FHAD1: variants seen among roughly 807,000 people sequenced by gnomAD.
FHAD1 encodes the protein forkhead-associated domain-containing protein 1.
Under a neutral mutation model 191.3 loss-of-function variants are expected in FHAD1, and 146 were observed. The observed-to-expected ratio is 0.76, with a 90% CI of 0.67 to 0.88. The LOEUF (loss-of-function observed/expected upper bound fraction) is 0.88, where lower values mean the gene tolerates loss of function less well. FHAD1 is among the 40% of genes least tolerant of loss of function. The pLI, the probability that FHAD1 is intolerant of heterozygous loss-of-function variation, is 0.00. For missense variants in FHAD1, 1,635 were observed against 1,785.8 expected (o/e 0.92, Z 1.52); for synonymous variants, 616 against 672.3 (o/e 0.92, Z 1.29).
chr1:15,331,698 G>A (rs901677467), intron 14 of FHAD1, among the ~76,000 whole-genome samples: 4 of 150,802 alleles, frequency 2.7e-5, no homozygotes, highest in Non-Finnish European at 5.9e-5. Context: ...AAGGCAGGAG[G>A]GAAGGCAGGA....
chr1:15,320,309 A>G (rs1298054585), intron 10 of FHAD1, among the ~76,000 whole-genome samples: 1 of 152,210 alleles, frequency 6.6e-6, no homozygotes, highest in African/African-American at 2.4e-5. Context: ...ACTTGAGAAG[A>G]ATACGCATCC....
rs202068732 is a variant in FHAD1 at position 15,321,779 on chromosome 1, TTGTGCATGTTTGCATGCACATG to T, written c.1366-2664_1366-2643del. Among the ~76,000 whole-genome samples, 15 of 152,350 alleles carry T rather than the reference TTGTGCATGTTTGCATGCACATG, an allele frequency of 9.8e-5. No individual in the cohort carries two copies. The East Asian group carries it at 2.3e-3, about 23-fold the overall frequency. On this transcript the variant is annotated intron_variant, in intron 10 of 33. Coordinates refer to ENST00000688493, the MANE Select transcript of FHAD1 (RefSeq NM_001391957.1). Reference sequence around the variant, plus strand: ...CAAGCACGTGTGTGCATATGTGTGATTGTGCATGTTTGCATGCACATGTGTGCATGCATGTGTGTGCATGTGT... The same window carrying T: ...CAAGCACGTGTGTGCATATGTGTGATTGTGCATGCATGTGTGTGCATGTGT...
intron 20 of FHAD1, among the ~76,000 whole-genome samples, chr1:15,355,952 CAG>C (rs1329960674): frequency 1.7e-5 from 2 of 116,624 alleles, no homozygotes; most frequent in Non-Finnish European, 3.5e-5. Context: ...AAAAAAAAAA[CAG>C]AAAATCACTC....
intron 14 of FHAD1, among the ~76,000 whole-genome samples, chr1:15,331,112 G>A (rs1007359388): frequency 5.9e-5 from 9 of 152,158 alleles, no homozygotes; most frequent in African/African-American, 2.2e-4. Flanking sequence ...TGTAAAAGAC[G>A]GATGTGATTT....
At chr1:15,251,651 C>T (rs771739175) in intron 1 of FHAD1, 120 bp from the exon 2 acceptor site, 21 of 752,204 alleles carry the variant, frequency 2.8e-5, no homozygotes, top group Non-Finnish European at 3.7e-5. Context: ...AATCCCCCCT[C>T]TTCTGATTTC....
intron 2 of FHAD1, among the ~76,000 whole-genome samples, chr1:15,253,661 C>T (rs1163130212): frequency 6.6e-6 from 1 of 152,158 alleles, no homozygotes; most frequent in Non-Finnish European, 1.5e-5. Flanking sequence ...TTTTAGTATG[C>T]TTATATGGTA....
chr1:15,317,405 ACT>A (rs1558093170), intron 9 of FHAD1, among the ~76,000 whole-genome samples: 1 of 151,820 alleles, frequency 6.6e-6, no homozygotes, highest in African/African-American at 2.4e-5. Context: ...GGAACATTTT[ACT>A]CTCTGCCTCA....
Position 15,333,207 on chromosome 1 carries a change from A to AAGCGCCC in FHAD1, c.1906+3668_1906+3674dup, listed in dbSNP as rs59518473. ...CTTCTAATACAAGCAATATTACGTC[A>AAGCGCCC]AGCGCCCAAAAGACTAAAAGAAAAG... is the stretch of plus-strand genomic sequence containing the variant. On this transcript the variant is annotated intron_variant, in intron 14 of 33. Coordinates refer to ENST00000688493, the MANE Select transcript of FHAD1 (RefSeq NM_001391957.1). 2.1e-3 allele frequency among the ~76,000 whole-genome samples: 313 copies of AAGCGCCC among 152,324 alleles called. 2 individuals are homozygous for AAGCGCCC. Among genetic ancestry groups the AAGCGCCC allele is most frequent in the African/African-American group, 7.0e-3 (292 of 41,560 alleles).
intron 3 of FHAD1, among the ~76,000 whole-genome samples, chr1:15,275,796 T>A (rs978920304): frequency 6.6e-6 from 1 of 152,206 alleles, no homozygotes; most frequent in South Asian, 2.1e-4. Context: ...CTCTTATTGA[T>A]TCTTTGAGTC....
upstream of FHAD1, among the ~76,000 whole-genome samples, chr1:15,242,890 C>T (rs776214848): frequency 2.0e-5 from 3 of 152,302 alleles, no homozygotes; most frequent in African/African-American, 7.2e-5. Flanking sequence ...TTGTTTCATA[C>T]GTCTTAACCC....
At chr1:15,364,579 CA>C (rs1695824980) in intron 23 of FHAD1, among the ~76,000 whole-genome samples, 1 of 152,060 alleles carries the variant, frequency 6.6e-6, no homozygotes, top group African/African-American at 2.4e-5. Flanking sequence ...CACTGCACTC[CA>C]GCCTGGGCGA....
intron 23 of FHAD1, among the ~76,000 whole-genome samples, 198 bp from the exon 24 acceptor site, chr1:15,365,629 A>G (rs1277381991): frequency 3.3e-5 from 5 of 151,406 alleles, no homozygotes; most frequent in Non-Finnish European, 7.4e-5. Flanking sequence ...GCCTTAATGT[A>G]TTTTCTTAAA....
chr1:15,352,881 C>CAG lies in FHAD1; in HGVS notation c.2464_2465dup (p.Ser822ArgfsTer29). On this transcript the variant is annotated frameshift_variant, in exon 20 of 34. Coordinates refer to ENST00000688493, the MANE Select transcript of FHAD1 (RefSeq NM_001391957.1). LOFTEE classifies it high-confidence loss of function. ...ACCACTTTCATTGACTTCCAGATCT[C>CAG]AGAGAGCAACATTGCGTACGAGAAA... 2 of 1,551,112 alleles carry CAG rather than the reference C, an allele frequency of 1.3e-6. No homozygotes were observed. Among genetic ancestry groups the CAG allele is most frequent in the Non-Finnish European group, 1.7e-6 (2 of 1,146,658 alleles).
At chr1:15,255,881 G>C (rs540671411) in intron 2 of FHAD1, among the ~76,000 whole-genome samples, 21 of 152,336 alleles carry the variant, frequency 1.4e-4, no homozygotes, top group African/African-American at 4.8e-4. Flanking sequence ...GCCACCGTAA[G>C]GATTTTGATC....
Position 15,329,645 on chromosome 1 carries a change from C to T in FHAD1, c.1906+104C>T. Reference sequence around the variant, plus strand: ...TGAGGAAGTCTTCCTGGGTATCTGGCCAAGTCTATTCCCTTCTCCAGAACC... The same window carrying T: ...TGAGGAAGTCTTCCTGGGTATCTGGTCAAGTCTATTCCCTTCTCCAGAACC... On this transcript the variant is annotated intron_variant, in intron 14 of 33. Transcript: ENST00000688493. The surrounding 1 kb of genome is among the most constrained non-coding windows in gnomAD (Gnocchi z 5.0). The T allele has an allele frequency of 9.2e-7, 1 of 1,086,196 alleles. No homozygotes were observed. Among genetic ancestry groups the T allele is most frequent in the Non-Finnish European group, 1.3e-6 (1 of 741,182 alleles). The allele number at this position is 1,086,196 out of a possible 1,614,324, so 67.3% of individuals were successfully genotyped here.
At chr1:15,257,793 G>A (rs745919467) in intron 2 of FHAD1, among the ~76,000 whole-genome samples, 1 of 152,094 alleles carries the variant, frequency 6.6e-6, no homozygotes, top group Non-Finnish European at 1.5e-5. Flanking sequence ...TATCATCTTC[G>A]CCATTTTAAG....
rs570296221 is a variant in FHAD1, at chr1:15,262,394, CTG to C, written c.94-9928_94-9927del. 8.7e-4 allele frequency among the ~76,000 whole-genome samples: 133 copies of C among 152,306 alleles called. 1 individual carries two copies. Among genetic ancestry groups the C allele is most frequent in the Admixed American group, 1.8e-3 (27 of 15,306 alleles). The stretch of plus-strand genomic sequence containing the variant: ...TTATCTCTGTTTACAGATGAGGAAA[CTG>C]AGGTCCCAAGGGAATAGATCACTTG... On this transcript the variant is annotated intron_variant, in intron 2 of 33. Coordinates refer to ENST00000688493, the MANE Select transcript of FHAD1 (RefSeq NM_001391957.1).
intron 1 of FHAD1, among the ~76,000 whole-genome samples, chr1:15,241,876 A>G (rs1433683002): frequency 6.6e-6 from 1 of 152,164 alleles, no homozygotes; most frequent in Admixed American, 6.5e-5. Context: ...TTGTAATGCT[A>G]TAAAGTGCAA....
At chr1:15,279,681 T>C (rs1313954604) in intron 3 of FHAD1, among the ~76,000 whole-genome samples, 1 of 151,810 alleles carries the variant, frequency 6.6e-6, no homozygotes, top group Non-Finnish European at 1.5e-5. Context: ...TCAGCAGCTC[T>C]AGGAAAAGAG....
Sources: allele counts gnomAD v4.1 joint callset (sites outside exome capture counted in the v4.1 genomes callset), GRCh38; gene constraint gnomAD v4.1.1; non-coding constraint Gnocchi (gnomAD v3.1); transcripts MANE v1.5; gene names NCBI Gene and HGNC (gene_info 2026-07-23, HGNC 2026-07-21).